Variants in SLC25A48 observed in about 807,000 individuals in gnomAD.
SLC25A48 encodes the protein CTC-321K16.1.
A neutral mutation model predicts 32.2 loss-of-function variants in SLC25A48; 29 were observed. The ratio of observed to expected loss-of-function variants is 0.90; its 90% CI spans 0.67 to 1.23. SLC25A48 has a LOEUF of 1.23. SLC25A48 is among the 50% of genes most tolerant of loss of function. The probability of loss-of-function intolerance (pLI) is 0.00; values close to 1 mark genes in which losing one functional copy is unlikely to be tolerated. For missense variants in SLC25A48, 399 were observed against 422.7 expected (o/e 0.94, Z 0.49); for synonymous variants, 164 against 172.3 (o/e 0.95, Z 0.38).
intron 3 of SLC25A48, among the ~76,000 whole-genome samples, chr5:135,719,477 C>G (rs902665586): frequency 6.6e-6 from 1 of 152,036 alleles, no homozygotes; most frequent in African/African-American, 2.4e-5. Context: ...CCCCATGGAG[C>G]CCAAGGGAAG....
intron 3 of SLC25A48, among the ~76,000 whole-genome samples, chr5:135,783,273 A>C (rs1756762801): frequency 8.5e-6 from 1 of 117,778 alleles, no homozygotes; most frequent in Admixed American, 8.6e-5. Context: ...TATCGTCCCT[A>C]ATATCCAAGG....
intron 3 of SLC25A48, among the ~76,000 whole-genome samples, chr5:135,784,258 G>C (rs1170714710): frequency 4.7e-5 from 2 of 42,586 alleles, no homozygotes; most frequent in African/African-American, 1.2e-4. Flanking sequence ...CAATAGCGCA[G>C]AGAGTGTACA....
intron 7 of SLC25A48, among the ~76,000 whole-genome samples, chr5:135,883,783 T>C (rs932566290): frequency 6.6e-6 from 1 of 152,190 alleles, no homozygotes; most frequent in Non-Finnish European, 1.5e-5. Flanking sequence ...CTCTGGGCCT[T>C]ATTTTTACAT....
intron 1 of SLC25A48, among the ~76,000 whole-genome samples, chr5:135,589,130 G>A (rs1189818086): frequency 2.6e-5 from 4 of 152,058 alleles, no homozygotes; most frequent in Non-Finnish European, 5.9e-5. Context: ...TCTTTCTTTG[G>A]GGCACACTGT....
At chr5:135,705,221 C>G (rs1239157316) in intron 3 of SLC25A48, among the ~76,000 whole-genome samples, 2 of 106,518 alleles carry the variant, frequency 1.9e-5, no homozygotes, top group African/African-American at 7.6e-5. Flanking sequence ...GATTGACTCA[C>G]AGAGAGCAGT....
At chr5:135,829,449 T>C (rs936821760) in intron 4 of SLC25A48, among the ~76,000 whole-genome samples, 4 of 152,136 alleles carry the variant, frequency 2.6e-5, no homozygotes, top group Admixed American at 1.3e-4. Context: ...GAAGCACATA[T>C]GATTTTCAAG....
At chr5:135,617,132 A>G (rs1752208651) in intron 1 of SLC25A48, among the ~76,000 whole-genome samples, 1 of 152,052 alleles carries the variant, frequency 6.6e-6, no homozygotes, top group Non-Finnish European at 1.5e-5. Context: ...ATTGAATCTC[A>G]TTATTCATTA....
chr5:135,876,864 G>T (rs540583327), intron 6 of SLC25A48, among the ~76,000 whole-genome samples: 3 of 152,288 alleles, frequency 2.0e-5, no homozygotes, highest in Non-Finnish European at 1.5e-5. Flanking sequence ...CAGTGCCCCA[G>T]GGGTGGCTCC....
At chr5:135,850,554 C>G in intron 3 of SLC25A48, 58 bp downstream of exon 3, 1 of 1,553,128 alleles carries the variant, frequency 6.4e-7, no homozygotes, top group East Asian at 2.2e-5. Context: ...AGGCTGGGGA[C>G]CAGGGCCACA....
At chr5:135,758,909 A>G (rs1755992143) in intron 3 of SLC25A48, among the ~76,000 whole-genome samples, 1 of 150,968 alleles carries the variant, frequency 6.6e-6, no homozygotes. Context: ...CTATGCTATA[A>G]ATAATATTAA....
At chr5:135,805,374 C>T (rs530858956) in intron 3 of SLC25A48, among the ~76,000 whole-genome samples, 2 of 150,650 alleles carry the variant, frequency 1.3e-5, no homozygotes, top group African/African-American at 4.9e-5. Flanking sequence ...GGGCATACAC[C>T]CTTTGTGTAC....
chr5:135,585,902 A>C (rs1054380916), intron 1 of SLC25A48, among the ~76,000 whole-genome samples: 1 of 152,220 alleles, frequency 6.6e-6, no homozygotes, highest in African/African-American at 2.4e-5. Context: ...TGATTATTAA[A>C]TCTCGTAGAC....
chr5:135,661,094 T>C (rs2126934431), intron 3 of SLC25A48, among the ~76,000 whole-genome samples: 1 of 152,282 alleles, frequency 6.6e-6, no homozygotes, highest in South Asian at 2.1e-4. Flanking sequence ...GAGAGTGCAG[T>C]TGGTGCCCTT....
intron 3 of SLC25A48, among the ~76,000 whole-genome samples, chr5:135,763,587 G>A (rs1756118135): frequency 1.3e-5 from 2 of 152,116 alleles, no homozygotes; most frequent in Admixed American, 6.6e-5. Flanking sequence ...GGAAGAAAGA[G>A]GGAATCCTTC....
intron 3 of SLC25A48, among the ~76,000 whole-genome samples, chr5:135,738,247 G>A (rs1755422587): frequency 6.6e-6 from 1 of 152,180 alleles, no homozygotes; most frequent in South Asian, 2.1e-4. Context: ...CCAAGAGGCT[G>A]TTGACATGCT....
At chr5:135,785,874 G>T (rs1756833526) in intron 3 of SLC25A48, among the ~76,000 whole-genome samples, 1 of 151,858 alleles carries the variant, frequency 6.6e-6, no homozygotes, top group African/African-American at 2.4e-5. Context: ...CAGGTGGGGA[G>T]GTGGTGACAT....
chr5:135,769,054 A>G (rs1488450885), intron 3 of SLC25A48, among the ~76,000 whole-genome samples: 1 of 151,526 alleles, frequency 6.6e-6, no homozygotes, highest in African/African-American at 2.4e-5. Flanking sequence ...AGAGGATAAT[A>G]TTACTCCCAG....
intron 1 of SLC25A48, among the ~76,000 whole-genome samples, chr5:135,590,920 A>G (rs1751510548): frequency 6.6e-6 from 1 of 152,282 alleles, no homozygotes; most frequent in African/African-American, 2.4e-5. Flanking sequence ...CGATGAGAAT[A>G]AATGACTTTT....
chr5:135,619,880 G>A (rs1207695607), intron 1 of SLC25A48, among the ~76,000 whole-genome samples: 1 of 152,190 alleles, frequency 6.6e-6, no homozygotes, highest in African/African-American at 2.4e-5. Context: ...GGGACCTGAG[G>A]TGGTATCATT....
Sources: allele counts gnomAD v4.1 joint callset (sites outside exome capture counted in the v4.1 genomes callset), GRCh38; gene constraint gnomAD v4.1.1; transcripts MANE v1.5; gene names NCBI Gene and HGNC (gene_info 2026-07-23, HGNC 2026-07-21).